The following CYSLTR1 variants were observed in gnomAD, a reference collection of about 807,000 sequenced individuals.
CYSLTR1 encodes the protein G-protein coupled receptor HG55.
A neutral mutation model predicts 2.1 loss-of-function variants in CYSLTR1; 1 was observed. The observed-to-expected ratio is 0.48, with a 90% CI of 0.17 to 2.28. CYSLTR1 has a LOEUF of 2.28. Ranked by LOEUF, CYSLTR1 falls within the 30% of genes most tolerant of loss-of-function variation. The pLI is 0.26. For synonymous variants in CYSLTR1, 110 were observed against 89.6 expected, an observed-to-expected ratio of 1.23 and a Z score of -1.28; for missense variants, 299 against 250.1, an observed-to-expected ratio of 1.20 and a Z score of -1.32.
At chrX:78,288,032 A>C (rs755599112) in intron 1 of CYSLTR1, among the ~76,000 whole-genome samples, 11 of 98,439 alleles carry the variant, frequency 1.1e-4, no homozygotes, top group East Asian at 3.5e-4. Flanking sequence ...AACAAAGAAC[A>C]AAAAAAAAAT....
chrX:78,274,296 G>A (rs970408075), intron 2 of CYSLTR1, among the ~76,000 whole-genome samples: 15 of 111,011 alleles, frequency 1.4e-4, no homozygotes, highest in East Asian at 5.6e-4. Flanking sequence ...GAGGCATCAC[G>A]CTACCTGACT....
Position 78,327,607 on chromosome X carries a change from A to G in CYSLTR1, c.-417T>C, listed in dbSNP as rs1001668683. ...TTCTTCCTCTTTCAGATTAGCCTTC[A>G]AACTGTTAAAGCACTCCCGGAGTCT... On this transcript the variant is annotated 5_prime_UTR_variant, in exon 1 of 3. Transcript: ENST00000373304. 1.8e-5 allele frequency: 2 copies of G among 111,926 alleles called. No individual in the cohort carries two copies. Among genetic ancestry groups the G allele is most frequent in the Admixed American group, 1.9e-4 (2 of 10,522 alleles). The allele number at this position is 111,926 out of a possible 1,213,427, so 9.2% of individuals were successfully genotyped here.
intron 2 of CYSLTR1, among the ~76,000 whole-genome samples, chrX:78,280,724 C>A (rs1267857253): frequency 9.0e-6 from 1 of 111,282 alleles, no homozygotes; most frequent in African/African-American, 3.3e-5. Flanking sequence ...TTCTTATCCT[C>A]TCCCTCCTCA....
intron 2 of CYSLTR1, among the ~76,000 whole-genome samples, chrX:78,278,347 C>A (rs1004640182): frequency 4.5e-5 from 5 of 111,779 alleles, no homozygotes; most frequent in Non-Finnish European, 9.4e-5. Flanking sequence ...TGGAAAACAT[C>A]AAGAACACAA....
Position 78,273,719 on chromosome X carries a change from A to T in CYSLTR1, c.28T>A (p.Ser10Thr). The T allele has an allele frequency of 8.3e-7, 1 of 1,199,229 alleles. No individual in the cohort carries two copies. Reference sequence around the variant, plus strand: ...ATAGTGTCATGGCATGTGGCAGAAGATACTGTCAGATTTCCTGTTTCATCC... The same window carrying T: ...ATAGTGTCATGGCATGTGGCAGAAGTTACTGTCAGATTTCCTGTTTCATCC... MDETGNLTV[S>T]SATCHDTIDD... Residue 10 changes from serine (S) to threonine (T), a missense_variant, in exon 3 of 3, where the codon TCT becomes ACT. Transcript: ENST00000373304.
intron 1 of CYSLTR1, among the ~76,000 whole-genome samples, chrX:78,300,936 C>G (rs1369064890): frequency 8.9e-6 from 1 of 112,592 alleles, no homozygotes; most frequent in African/African-American, 3.2e-5. Context: ...GGTTTCCAAA[C>G]CTCAATTCTT....
At chrX:78,320,010 C>T (rs1007693895) in intron 1 of CYSLTR1, 3 of 111,663 alleles carry the variant, frequency 2.7e-5, no homozygotes, top group Admixed American at 9.5e-5. Context: ...TGGATATTGG[C>T]CCTTTGTCAG....
intron 1 of CYSLTR1, among the ~76,000 whole-genome samples, chrX:78,318,136 AC>A (rs1923497574): frequency 8.9e-6 from 1 of 112,181 alleles, no homozygotes; most frequent in South Asian, 3.7e-4. Context: ...GAATCAACCT[AC>A]ATGCCCATCA....
chrX:78,318,723 A>G (rs1923517312), intron 1 of CYSLTR1, among the ~76,000 whole-genome samples: 1 of 111,456 alleles, frequency 9.0e-6, no homozygotes, highest in Non-Finnish European at 1.9e-5. Flanking sequence ...CTTCAAAATT[A>G]ACTTCCCCAC....
chrX:78,295,511 C>G (rs754715512), intron 1 of CYSLTR1, among the ~76,000 whole-genome samples: 1 of 110,329 alleles, frequency 9.1e-6, no homozygotes, highest in South Asian at 3.9e-4. Context: ...TTCTTATCAA[C>G]AGTATATAAG....
chrX:78,307,952 G>T (rs759640039), intron 1 of CYSLTR1, among the ~76,000 whole-genome samples: 25 of 111,197 alleles, frequency 2.2e-4, no homozygotes, highest in Non-Finnish European at 3.2e-4. Context: ...CCTGAGTCCA[G>T]GTGAGGTTTC....
chrX:78,302,010 C>A (rs1922839857), intron 1 of CYSLTR1, among the ~76,000 whole-genome samples: 1 of 111,979 alleles, frequency 8.9e-6, no homozygotes, highest in Non-Finnish European at 1.9e-5. Context: ...GACTTATTTA[C>A]TATCACAAGA....
chrX:78,313,705 G>A (rs1923298921), intron 1 of CYSLTR1, among the ~76,000 whole-genome samples: 1 of 110,842 alleles, frequency 9.0e-6, no homozygotes, highest in Non-Finnish European at 1.9e-5. Context: ...TGACAAATAA[G>A]GCCCTGGACG....
chrX:78,273,247 T>A lies in CYSLTR1; in HGVS notation c.500A>T (p.Glu167Val). Residue 167 changes from glutamate to valine, a missense_variant, in exon 3 of 3, where the codon GAG (glutamate) becomes GTG (valine). Coordinates refer to ENST00000373304, the MANE Select transcript of CYSLTR1 (RefSeq NM_006639.4). ...CTCAAAGCACTTGGTATTATTTTTCTCATCTTTTTGTGGTTTGGCCATTAG... is the reference window on the plus strand; with the variant it reads ...CTCAAAGCACTTGGTATTATTTTTCACATCTTTTTGTGGTTTGGCCATTAG... ...PFLMAKPQKD[E>V]KNNTKCFEPP... 1 of 1,210,720 alleles carries A rather than the reference T, an allele frequency of 8.3e-7. No individual in the cohort carries two copies. Among genetic ancestry groups the A allele is most frequent in the Non-Finnish European group, 1.1e-6 (1 of 895,061 alleles).
intron 2 of CYSLTR1, among the ~76,000 whole-genome samples, chrX:78,274,740 A>G (rs2149180593): frequency 9.0e-6 from 1 of 110,737 alleles, no homozygotes; most frequent in East Asian, 2.8e-4. Context: ...GGATCTAATT[A>G]ACTAAAGAGC....
At chrX:78,276,808 T>C (rs1374042984) in intron 2 of CYSLTR1, among the ~76,000 whole-genome samples, 2 of 110,029 alleles carry the variant, frequency 1.8e-5, no homozygotes, top group Non-Finnish European at 3.8e-5. Flanking sequence ...AAAAAAGGCA[T>C]TGAAAGTGGA....
At chrX:78,318,906 A>T (rs1923525878) in intron 1 of CYSLTR1, 1 of 104,734 alleles carries the variant, frequency 9.5e-6, no homozygotes. Context: ...TAACCAACTT[A>T]GTTCAGCATC....
intron 1 of CYSLTR1, among the ~76,000 whole-genome samples, chrX:78,300,974 C>G (rs1412853230): frequency 8.9e-6 from 1 of 112,409 alleles, no homozygotes; most frequent in Admixed American, 9.4e-5. Flanking sequence ...AGGCTCAACA[C>G]CACATGGAAG....
chrX:78,289,141 G>A (rs985441080), intron 1 of CYSLTR1, among the ~76,000 whole-genome samples: 6 of 107,263 alleles, frequency 5.6e-5, no homozygotes, highest in Non-Finnish European at 1.2e-4. Flanking sequence ...AGGCCCTGGT[G>A]TGTGATGTTC....
Sources: allele counts gnomAD v4.1 joint callset (sites outside exome capture counted in the v4.1 genomes callset), GRCh38; gene constraint gnomAD v4.1.1; transcripts MANE v1.5; gene names NCBI Gene and HGNC (gene_info 2026-07-23, HGNC 2026-07-21).